Variants in MAPKAPK5 observed in about 807,000 individuals in gnomAD.
MAPKAPK5 encodes the protein MAPK activated protein kinase 5, also known as MAP kinase-activated protein kinase 5.
A neutral mutation model predicts 65.1 loss-of-function variants in MAPKAPK5; 30 were observed. The observed-to-expected ratio is 0.46, with a 90% CI of 0.34 to 0.63. The LOEUF (loss-of-function observed/expected upper bound fraction) is 0.63, where lower values mean the gene tolerates loss of function less well. MAPKAPK5 is among the 20% of genes least tolerant of loss of function. The pLI, the probability that MAPKAPK5 is intolerant of heterozygous loss-of-function variation, is 0.01. For synonymous variants in MAPKAPK5, 179 were observed against 204.6 expected, an observed-to-expected ratio of 0.87 and a Z score of 1.07; for missense variants, 433 against 581.4, an observed-to-expected ratio of 0.74 and a Z score of 2.63.
chr12:111,889,896 A>G, intron 12 of MAPKAPK5, 144 bp from the exon 13 acceptor site: 1 of 619,520 alleles, frequency 1.6e-6, no homozygotes, highest in South Asian at 1.8e-5. Flanking sequence ...TGTAGGGACT[A>G]GCAGTAAAGC....
intron 7 of MAPKAPK5, among the ~76,000 whole-genome samples, chr12:111,878,952 G>GC (rs1192664117): frequency 1.3e-5 from 2 of 152,058 alleles, no homozygotes; most frequent in Non-Finnish European, 2.9e-5. Context: ...GGTAGCGTTG[G>GC]CCCTCCACCT....
chr12:111,881,310 G>C (rs1414264728), intron 8 of MAPKAPK5, among the ~76,000 whole-genome samples: 1 of 151,628 alleles, frequency 6.6e-6, no homozygotes, highest in Non-Finnish European at 1.5e-5. Context: ...CTGACCTCAA[G>C]TGATCCGCCC....
At position 111,881,402 on chromosome 12, in the gene MAPKAPK5, C is replaced by CTTTTT. The variant is rs1274226182; in HGVS notation, c.660+875_660+876insTTTTT. 7.8e-4 allele frequency among the ~76,000 whole-genome samples: 91 copies of CTTTTT among 116,694 alleles called. 5 individuals carry two copies. Among genetic ancestry groups the CTTTTT allele is most frequent in the Middle Eastern group, 0.012 (2 of 172 alleles). 76.6% of individuals were successfully genotyped at this position (116,694 alleles called of 152,430 possible). On this transcript the variant is annotated intron_variant, in intron 8 of 13. Coordinates refer to ENST00000550735, the MANE Select transcript of MAPKAPK5 (RefSeq NM_003668.4). ...AGCCCACATATTGATCCTGTCTGTTCCTTTTTTTTTTTTTTTTTTTGAGAC... is the reference window on the plus strand; with the variant it reads ...AGCCCACATATTGATCCTGTCTGTTCTTTTTCTTTTTTTTTTTTTTTTTTTGAGAC...
chr12:111,845,928 A>G (rs1333943204), intron 1 of MAPKAPK5, among the ~76,000 whole-genome samples: 1 of 152,206 alleles, frequency 6.6e-6, no homozygotes, highest in Non-Finnish European at 1.5e-5. Context: ...TTCTCAAAAA[A>G]ATAATAATAC....
intron 12 of MAPKAPK5, 66 bp downstream of exon 12, chr12:111,889,066 G>T: frequency 5.3e-6 from 8 of 1,497,988 alleles, no homozygotes; most frequent in Non-Finnish European, 7.2e-6. Flanking sequence ...GGGTGGGTGG[G>T]TGTATGCATG....
chr12:111,847,080 G>A (rs769321101), intron 1 of MAPKAPK5, among the ~76,000 whole-genome samples: 7 of 151,944 alleles, frequency 4.6e-5, no homozygotes, highest in South Asian at 4.1e-4. Flanking sequence ...GGTGGCTTAC[G>A]CTTGTAATCC....
intron 7 of MAPKAPK5, among the ~76,000 whole-genome samples, chr12:111,871,585 A>G (rs2069786352): frequency 6.6e-6 from 1 of 152,148 alleles, no homozygotes; most frequent in Non-Finnish European, 1.5e-5. Flanking sequence ...GGAGGTTGCA[A>G]GGAGCCGAGA....
intron 9 of MAPKAPK5, among the ~76,000 whole-genome samples, chr12:111,884,109 C>G (rs116324046): frequency 0.016 from 2,441 of 152,188 alleles, 59 homozygotes; most frequent in African/African-American, 0.056. Context: ...GGGACAGATA[C>G]AATGCCAGGA....
At chr12:111,882,493 G>A (rs778282971) in intron 8 of MAPKAPK5, among the ~76,000 whole-genome samples, 4 of 152,172 alleles carry the variant, frequency 2.6e-5, no homozygotes, top group African/African-American at 7.2e-5. Flanking sequence ...GCAGGCTCAC[G>A]GGGCTGCCAT....
chr12:111,870,395 A>G, intron 6 of MAPKAPK5, 35 bp downstream of exon 6: 1 of 1,545,090 alleles, frequency 6.5e-7, no homozygotes, highest in Non-Finnish European at 8.9e-7. Context: ...TTAGTGCTGC[A>G]ACTCTTAACA....
At chr12:111,864,587 A>G (rs1321027166) in intron 1 of MAPKAPK5, among the ~76,000 whole-genome samples, 1 of 152,238 alleles carries the variant, frequency 6.6e-6, no homozygotes, top group African/African-American at 2.4e-5. Flanking sequence ...GCTAACATGC[A>G]ATAGTTAGCC....
chr12:111,849,497 T>C (rs1213497810), intron 1 of MAPKAPK5, among the ~76,000 whole-genome samples: 1 of 150,312 alleles, frequency 6.7e-6, no homozygotes, highest in Non-Finnish European at 1.5e-5. Context: ...CTCCTGACCT[T>C]GTGATCTGCC....
chr12:111,852,671 A>G (rs1284157706), intron 1 of MAPKAPK5, among the ~76,000 whole-genome samples: 1 of 152,120 alleles, frequency 6.6e-6, no homozygotes, highest in Non-Finnish European at 1.5e-5. Flanking sequence ...TATCTTATCT[A>G]TTAACGTAGT....
At position 111,843,257 on chromosome 12, in the gene MAPKAPK5, T is replaced by G. The variant is rs890446132; in HGVS notation, c.36+488T>G. 9 of 398,554 alleles carry G rather than the reference T, an allele frequency of 2.3e-5. No individual in the cohort carries two copies. In the Admixed American group the frequency reaches 3.1e-4, roughly 14 times the overall value. The allele number at this position is 398,554 out of a possible 1,614,324, so 24.7% of individuals were successfully genotyped here. A position where few individuals can be genotyped will look rare whatever the true frequency, so the allele number is the denominator to read the frequency against. ...CTGTCCTTTGGGGAATAGGTTGTCC[T>G]CACTTTTCCGTGTATTCTCCCCTTT... On this transcript the variant is annotated intron_variant, in intron 1 of 13. Coordinates refer to ENST00000550735, the MANE Select transcript of MAPKAPK5 (RefSeq NM_003668.4).
At chr12:111,852,942 T>C (rs2069129821) in intron 1 of MAPKAPK5, among the ~76,000 whole-genome samples, 1 of 152,108 alleles carries the variant, frequency 6.6e-6, no homozygotes, top group Non-Finnish European at 1.5e-5. Context: ...CCTGGCTAAT[T>C]TTTGTATTTT....
intron 1 of MAPKAPK5, among the ~76,000 whole-genome samples, chr12:111,856,449 C>G (rs1472133350): frequency 6.7e-6 from 1 of 150,040 alleles, no homozygotes; most frequent in Non-Finnish European, 1.5e-5. Flanking sequence ...TCTGTCTACC[C>G]AGGCTGGTGT....
At chr12:111,884,542 G>T (rs981425026) in intron 9 of MAPKAPK5, among the ~76,000 whole-genome samples, 2 of 152,204 alleles carry the variant, frequency 1.3e-5, no homozygotes, top group Non-Finnish European at 2.9e-5. Flanking sequence ...GGAAGATTTA[G>T]TCAGAATTAG....
At chr12:111,850,492 G>A (rs1323266302) in intron 1 of MAPKAPK5, among the ~76,000 whole-genome samples, 1 of 152,166 alleles carries the variant, frequency 6.6e-6, no homozygotes, top group East Asian at 1.9e-4. Flanking sequence ...AGCAAAGGAT[G>A]GTTTGATAAC....
At chr12:111,867,181 G>T (rs532210571) in intron 3 of MAPKAPK5, among the ~76,000 whole-genome samples, 2 of 152,084 alleles carry the variant, frequency 1.3e-5, no homozygotes, top group Non-Finnish European at 2.9e-5. Context: ...ATCCACTTTG[G>T]CCTCCCAAAG....
Sources: gnomAD v4.1 joint callset for allele counts (sites outside exome capture counted in the v4.1 genomes callset) on GRCh38, gnomAD v4.1.1 for gene constraint, MANE v1.5 for transcripts, NCBI Gene and HGNC (gene_info 2026-07-23, HGNC 2026-07-21) for gene names.